DNAAF4: variants seen among roughly 807,000 people sequenced by gnomAD.
The protein encoded by DNAAF4 is dynein axonemal assembly factor 4, also known as dynein assembly factor 4, axonemal.
In DNAAF4, 43 loss-of-function variants were observed where a neutral mutation model predicts 51.8. That is an observed-to-expected ratio of 0.83 (90% CI 0.65 to 1.07). The LOEUF (loss-of-function observed/expected upper bound fraction) is 1.07, where lower values mean the gene tolerates loss of function less well. Among genes scored for constraint, DNAAF4 ranks in the 50% least tolerant of loss-of-function variants. The pLI, the probability that DNAAF4 is intolerant of heterozygous loss-of-function variation, is 0.00. For synonymous variants in DNAAF4, 194 were observed against 165.6 expected, an observed-to-expected ratio of 1.17 and a Z score of -1.32; for missense variants, 581 against 493.0, an observed-to-expected ratio of 1.18 and a Z score of -1.69.
chr15:55,452,760 G>C (rs921745274), intron 5 of DNAAF4, among the ~76,000 whole-genome samples: 1 of 152,144 alleles, frequency 6.6e-6, no homozygotes, highest in Non-Finnish European at 1.5e-5. Context: ...CGAACTTAAA[G>C]CCAGGGTCAT....
At chr15:55,418,289 G>A (rs1275140579) in intron 7 of DNAAF4, 3 of 1,550,318 alleles carry the variant, frequency 1.9e-6, no homozygotes, top group South Asian at 2.4e-5. Flanking sequence ...GCCTCCTTGT[G>A]TGAACCCTGG....
intron 6 of DNAAF4, chr15:55,442,652 G>C: frequency 6.5e-7 from 1 of 1,536,098 alleles, no homozygotes; most frequent in East Asian, 2.2e-5. Context: ...CTTTTAGCAG[G>C]ATTCAGCTTT....
At chr15:55,467,255 T>A (rs1041451255) in intron 4 of DNAAF4, 94 bp from the exon 5 acceptor site, 2 of 1,140,382 alleles carry the variant, frequency 1.8e-6, no homozygotes, top group Admixed American at 2.6e-5. Context: ...TATTCATACC[T>A]CTAAACTCTT....
intron 5 of DNAAF4, among the ~76,000 whole-genome samples, chr15:55,463,837 G>GTGATT (rs2058130335): frequency 6.6e-6 from 1 of 152,174 alleles, no homozygotes; most frequent in Non-Finnish European, 1.5e-5. Context: ...TACATCCCAT[G>GTGATT]CTCACAGATG....
At chr15:55,494,032 T>G (rs551342032) in intron 3 of DNAAF4, among the ~76,000 whole-genome samples, 2,343 of 121,312 alleles carry the variant, frequency 0.019, 41 homozygotes, top group African/African-American at 0.073. Context: ...TTCTTTCTTG[T>G]TTTTTTTTTT....
At chr15:55,486,098 T>G (rs546702134) in intron 4 of DNAAF4, among the ~76,000 whole-genome samples, 25 of 151,346 alleles carry the variant, frequency 1.7e-4, no homozygotes, top group African/African-American at 5.6e-4. Flanking sequence ...AAGCTTCCAC[T>G]AATCACCTCA....
At chr15:55,479,237 A>T (rs2058375966) in intron 4 of DNAAF4, among the ~76,000 whole-genome samples, 1 of 151,858 alleles carries the variant, frequency 6.6e-6, no homozygotes, top group Non-Finnish European at 1.5e-5. Context: ...AACTCAGAGT[A>T]CTTCCCAAGT....
At chr15:55,496,206 G>A (rs947453623) in intron 3 of DNAAF4, among the ~76,000 whole-genome samples, 25 of 152,192 alleles carry the variant, frequency 1.6e-4, no homozygotes, top group African/African-American at 5.8e-4. Context: ...ACTCCAGCCT[G>A]GGTGACTGAG....
intron 1 of DNAAF4, among the ~76,000 whole-genome samples, chr15:55,498,795 C>T (rs943448534): frequency 6.6e-6 from 1 of 151,418 alleles, no homozygotes; most frequent in Non-Finnish European, 1.5e-5. Flanking sequence ...ATCTCAGCTA[C>T]TCTGGAGGCT....
chr15:55,440,119 C>T (rs970733847), intron 6 of DNAAF4, among the ~76,000 whole-genome samples: 2 of 151,410 alleles, frequency 1.3e-5, no homozygotes, highest in Admixed American at 1.3e-4. Flanking sequence ...GTGGAGCAAT[C>T]TCAGCTCACT....
At chr15:55,489,123 C>T (rs191273758) in intron 4 of DNAAF4, among the ~76,000 whole-genome samples, 1 of 151,834 alleles carries the variant, frequency 6.6e-6, no homozygotes, top group East Asian at 1.9e-4. Context: ...CTTCAAGGTA[C>T]AACATAGTGG....
At chr15:55,459,672 G>A (rs1382811245) in intron 5 of DNAAF4, among the ~76,000 whole-genome samples, 1 of 151,940 alleles carries the variant, frequency 6.6e-6, no homozygotes, top group Non-Finnish European at 1.5e-5. Context: ...ACCAAAGTCA[G>A]CAGGAGTAGC....
At chr15:55,426,639 C>T (rs144940321), downstream of DNAAF4, among the ~76,000 whole-genome samples, 149 of 152,128 alleles carry the variant, frequency 9.8e-4, no homozygotes, top group African/African-American at 3.4e-3. Flanking sequence ...AGGCTGGTCT[C>T]GAACCCCTGA....
At chr15:55,473,247 G>GTATATATA (rs2058286554) in intron 4 of DNAAF4, among the ~76,000 whole-genome samples, 3 of 130,298 alleles carry the variant, frequency 2.3e-5, no homozygotes, top group African/African-American at 9.2e-5. Context: ...ATATATATGT[G>GTATATATA]TGTGTATATA....
At chr15:55,425,768 C>T (rs1384496258), downstream of DNAAF4, among the ~76,000 whole-genome samples, 5 of 152,152 alleles carry the variant, frequency 3.3e-5, no homozygotes, top group East Asian at 3.9e-4. Flanking sequence ...TAGGACAGAA[C>T]CCTTTTGCTT....
intron 5 of DNAAF4, among the ~76,000 whole-genome samples, chr15:55,462,030 C>T (rs1236369077): frequency 1.3e-5 from 2 of 152,126 alleles, no homozygotes; most frequent in African/African-American, 4.8e-5. Context: ...AGAAAACCTA[C>T]AGGAGATGGA....
At chr15:55,436,892 T>G (rs2141415840) in intron 7 of DNAAF4, among the ~76,000 whole-genome samples, 1 of 151,512 alleles carries the variant, frequency 6.6e-6, no homozygotes, top group East Asian at 2.0e-4. Context: ...ACGATCTCGA[T>G]TCACCGCAAC....
At chr15:55,460,767 A>ATT (rs543643696) in intron 5 of DNAAF4, among the ~76,000 whole-genome samples, 4 of 145,724 alleles carry the variant, frequency 2.7e-5, no homozygotes, top group Admixed American at 6.9e-5. Flanking sequence ...AGTCTCAATA[A>ATT]TTTTTTTTTT....
rs781156334 is a variant in DNAAF4 at position 55,491,134 on chromosome 15, CACTT to C, written c.390_393del (p.Val132Ter). 1.2e-6 allele frequency: 2 copies of C among 1,614,082 alleles called. No individual in the cohort carries two copies. Among genetic ancestry groups the C allele is most frequent in the Middle Eastern group, 1.6e-4 (1 of 6,062 alleles). Reference sequence around the variant, plus strand: ...ATTCTGCAACTTACCTTCATCATGACACTTAGTGCGTATTTTTGATCTTCCCGCT... The same window carrying C: ...ATTCTGCAACTTACCTTCATCATGACAGTGCGTATTTTTGATCTTCCCGCT... On this transcript the variant is annotated frameshift_variant, in exon 4 of 10. Transcript: ENST00000321149. LOFTEE classifies it high-confidence loss of function.
Sources: allele counts gnomAD v4.1 joint callset (sites outside exome capture counted in the v4.1 genomes callset), GRCh38; gene constraint gnomAD v4.1.1; transcripts MANE v1.5; gene names NCBI Gene and HGNC (gene_info 2026-07-23, HGNC 2026-07-21).